The following DRC2 variants were observed in gnomAD, a reference collection of about 807,000 sequenced individuals.
DRC2 encodes the protein coiled-coil domain containing 65.
chr12:48,919,779 G>A, the DRC2 span, among the ~76,000 whole-genome samples: 1 of 151,756 alleles, frequency 6.6e-6, no homozygotes, highest in African/African-American at 2.4e-5. Context: ...GGCTTCTCAA[G>A]TGCTGGGATT....
chr12:48,921,516 GA>G, the DRC2 span: 1 of 1,372,896 alleles, frequency 7.3e-7, no homozygotes, highest in Non-Finnish European at 9.8e-7. Context: ...AACTCCTAGA[GA>G]TTTTTTTTTT....
the DRC2 span, chr12:48,914,293 A>C: frequency 9.1e-7 from 1 of 1,098,460 alleles, no homozygotes; most frequent in Non-Finnish European, 1.3e-6. Flanking sequence ...GCATTCTTAA[A>C]GTCAAAGAAT....
chr12:48,909,037 C>CTTTTTTTTTTTTT, the DRC2 span, among the ~76,000 whole-genome samples: 2 of 82,370 alleles, frequency 2.4e-5, no homozygotes, highest in Non-Finnish European at 4.5e-5. Context: ...TTTTCTTTCT[C>CTTTTTTTTTTTTT]TTTTTTTTTT....
the DRC2 span, among the ~76,000 whole-genome samples, chr12:48,916,444 A>T: frequency 6.6e-6 from 1 of 151,942 alleles, no homozygotes; most frequent in Non-Finnish European, 1.5e-5. Flanking sequence ...CCAAAAAAAT[A>T]CGAAAACCAG....
the DRC2 span, among the ~76,000 whole-genome samples, chr12:48,920,240 G>A: frequency 0.33 from 48,575 of 148,706 alleles, 8,919 homozygotes; most frequent in Admixed American, 0.47. Flanking sequence ...TTGGGAGTTC[G>A]AGACCAGCCT....
chr12:48,918,846 C>T, the DRC2 span: 1 of 1,614,118 alleles, frequency 6.2e-7, no homozygotes, highest in South Asian at 1.1e-5. Context: ...AGAACTTAGT[C>T]AGACTCACCC....
the DRC2 span, among the ~76,000 whole-genome samples, chr12:48,910,512 G>A: frequency 6.6e-6 from 1 of 152,064 alleles, no homozygotes; most frequent in African/African-American, 2.4e-5. Flanking sequence ...GATCATGTGG[G>A]CAATTCTGTA....
chr12:48,909,732 C>T, the DRC2 span, among the ~76,000 whole-genome samples: 2 of 151,612 alleles, frequency 1.3e-5, no homozygotes, highest in African/African-American at 2.4e-5. Flanking sequence ...CCACTTCGGC[C>T]TCCCAAAATG....
chr12:48,915,753 A>G, the DRC2 span, among the ~76,000 whole-genome samples: 1 of 148,278 alleles, frequency 6.7e-6, no homozygotes, highest in Non-Finnish European at 1.5e-5. Flanking sequence ...CACCTCCCGG[A>G]TGGGGCGGCT....
At chr12:48,920,441 T>TTTAAAAAAAA in the DRC2 span, among the ~76,000 whole-genome samples, 2,172 of 67,602 alleles carry the variant, frequency 0.032, 232 homozygotes, top group Non-Finnish European at 0.044. Flanking sequence ...AACTCCATCT[T>TTTAAAAAAAA]AAAAAAAAAA....
chr12:48,913,925 C>CTTTTTT, the DRC2 span, among the ~76,000 whole-genome samples: 5 of 96,002 alleles, frequency 5.2e-5, no homozygotes, highest in Non-Finnish European at 6.0e-5. Flanking sequence ...CGTGCCCAGT[C>CTTTTTT]TTTTTTTTTT....
chr12:48,907,392 G>A, the DRC2 span, among the ~76,000 whole-genome samples: 3 of 152,146 alleles, frequency 2.0e-5, no homozygotes, highest in Non-Finnish European at 4.4e-5. Flanking sequence ...AATGGGTTAA[G>A]GGAAGCTGAG....
At chr12:48,908,835 A>C in the DRC2 span, among the ~76,000 whole-genome samples, 1 of 151,640 alleles carries the variant, frequency 6.6e-6, no homozygotes, top group African/African-American at 2.4e-5. Flanking sequence ...TCCTGGCCTC[A>C]GGTGATCCAC....
At chr12:48,916,282 C>A in the DRC2 span, among the ~76,000 whole-genome samples, 1 of 152,182 alleles carries the variant, frequency 6.6e-6, no homozygotes, top group African/African-American at 2.4e-5. Flanking sequence ...GAGCCGAGAT[C>A]ACGCCACTGC....
the DRC2 span, chr12:48,917,190 C>A: frequency 6.6e-7 from 1 of 1,520,640 alleles, no homozygotes; most frequent in African/African-American, 1.4e-5. Flanking sequence ...GTGGCTCACA[C>A]CTGTAATCCC....
chr12:48,911,623 G>C, the DRC2 span, among the ~76,000 whole-genome samples: 2 of 151,718 alleles, frequency 1.3e-5, no homozygotes, highest in Non-Finnish European at 2.9e-5. Context: ...AAAAAAAAGA[G>C]AAAAAGAAAT....
At chr12:48,914,529 CA>C in the DRC2 span, 1 of 1,614,142 alleles carries the variant, frequency 6.2e-7, no homozygotes, top group East Asian at 2.2e-5. Flanking sequence ...AGGAAAGTTA[CA>C]ACATGGAGCT....
the DRC2 span, among the ~76,000 whole-genome samples, chr12:48,910,440 G>A: frequency 0.019 from 2,890 of 152,262 alleles, 93 homozygotes; most frequent in African/African-American, 0.067. Context: ...AAACATATAA[G>A]GTAAAAGCTA....
the DRC2 span, chr12:48,916,961 C>T: frequency 1.2e-6 from 2 of 1,613,012 alleles, no homozygotes; most frequent in Non-Finnish European, 1.7e-6. Context: ...AGTGTCTTGT[C>T]TCCTACAGGA....
Sources: gnomAD v4.1 joint callset for allele counts (sites outside exome capture counted in the v4.1 genomes callset) on GRCh38, gnomAD v4.1.1 for gene constraint, MANE v1.5 for transcripts, NCBI Gene and HGNC (gene_info 2026-07-23, HGNC 2026-07-21) for gene names.